Variants in SCAP observed in about 807,000 individuals in gnomAD.
SCAP encodes the protein sterol regulatory element-binding protein cleavage-activating protein.
In SCAP, 65 loss-of-function variants were observed where a neutral mutation model predicts 123.6. The observed-to-expected ratio is 0.53, with a 90% confidence interval of 0.43 to 0.65. The LOEUF (loss-of-function observed/expected upper bound fraction) is 0.65. Among genes scored for constraint, SCAP ranks in the 30% least tolerant of loss-of-function variants. The probability of loss-of-function intolerance (pLI) is 0.00; values close to 1 mark genes in which losing one functional copy is unlikely to be tolerated. For missense variants in SCAP, 1,398 were observed against 1,712.5 expected (o/e 0.82, Z 3.24); for synonymous variants, 740 against 726.3 (o/e 1.02, Z -0.30).
At chr3:47,444,543 T>C (rs1203206872) in intron 1 of SCAP, among the ~76,000 whole-genome samples, 2 of 151,352 alleles carry the variant, frequency 1.3e-5, no homozygotes, top group Non-Finnish European at 2.9e-5. Flanking sequence ...GGCACTCTCT[T>C]GGCTCACTGC....
In SCAP at chr3:47,416,788, G is replaced by A. The variant is rs566652349; in HGVS notation, c.3056+334C>T. On this transcript the variant is annotated intron_variant, in intron 18 of 22. Transcript: ENST00000265565. ...ACTACAGGCGCCCGCCACTACGCCCGGCTAATTTTTTGTATTTTTAGTAGA... is the reference window on the plus strand; with the variant it reads ...ACTACAGGCGCCCGCCACTACGCCCAGCTAATTTTTTGTATTTTTAGTAGA... Among the ~76,000 whole-genome samples the A allele has an allele frequency of 6.8e-4, 103 of 151,496 alleles. 1 individual carries two copies. Among genetic ancestry groups the A allele is most frequent in the African/African-American group, 2.0e-3 (83 of 41,138 alleles).
chr3:47,419,557 T>TG lies in SCAP; in HGVS notation c.1710dup (p.Ser571GlnfsTer13), dbSNP rs1229536681. On this transcript the variant is annotated frameshift_variant, in exon 13 of 23. Transcript: ENST00000265565. LOFTEE classifies it high-confidence loss of function. This position sits in a 1 kb window ranked among gnomAD's most constrained non-coding sequence, Gnocchi z 5.0. ...ATGGAGAAGGCAGGGTCCGGGTGGC[T>TG]GGGGGGCAGCATGCCACTAGGCACG... 1.9e-6 allele frequency: 3 copies of TG among 1,612,946 alleles called. No homozygotes were observed. Among genetic ancestry groups the TG allele is most frequent in the South Asian group, 1.1e-5 (1 of 91,038 alleles).
At chr3:47,451,831 C>G (rs1707240308) in intron 1 of SCAP, among the ~76,000 whole-genome samples, 1 of 123,452 alleles carries the variant, frequency 8.1e-6, no homozygotes, top group Non-Finnish European at 1.8e-5. Flanking sequence ...ATGCCTCCCC[C>G]TAGCTCTCAG....
chr3:47,448,275 C>T (rs560381751), intron 1 of SCAP, among the ~76,000 whole-genome samples: 8 of 152,096 alleles, frequency 5.3e-5, no homozygotes, highest in Non-Finnish European at 8.8e-5. Flanking sequence ...ATGTTCATTG[C>T]TAGTACATTG....
rs1230354835 is a variant in SCAP, at chr3:47,420,764, G to A, written c.1353C>T (p.Asp451=). 1.2e-6 allele frequency: 2 copies of A among 1,610,626 alleles called. No individual in the cohort carries two copies. Among genetic ancestry groups the A allele is most frequent in the African/African-American group, 1.3e-5 (1 of 74,966 alleles). Residue 451 remains aspartate, a synonymous_variant, in exon 12 of 23, where the codon GAC becomes GAT. Transcript: ENST00000265565. The surrounding 1 kb of genome is among the most constrained non-coding windows in gnomAD (Gnocchi z 5.0). ...CCTCAGGGGGCAGTCGCTTGTTCAG[G>A]TCTGCTAGCTGTTGGGGGCACAGTG... ...SIDIRRMELA[D]LNKRLPPEAC... is the part of the protein sequence containing the mutation.
At chr3:47,416,505 T>G (rs1419953086) in intron 18 of SCAP, among the ~76,000 whole-genome samples, 1 of 151,924 alleles carries the variant, frequency 6.6e-6, no homozygotes, top group African/African-American at 2.4e-5. Context: ...CTGGCTTCAT[T>G]GAGAAGGGCG....
chr3:47,458,524 C>T (rs1167598378), intron 1 of SCAP, among the ~76,000 whole-genome samples: 1 of 152,148 alleles, frequency 6.6e-6, no homozygotes, highest in African/African-American at 2.4e-5. Context: ...CCTAAAAACA[C>T]ACATATTCAA....
At chr3:47,472,581 A>G (rs181880107) in intron 1 of SCAP, among the ~76,000 whole-genome samples, 32 of 152,254 alleles carry the variant, frequency 2.1e-4, no homozygotes, top group Admixed American at 2.6e-4. Flanking sequence ...ACCCCACTGC[A>G]AAGCTTCCTT....
At chr3:47,440,146 T>G (rs1706739244) in intron 2 of SCAP, among the ~76,000 whole-genome samples, 1 of 152,198 alleles carries the variant, frequency 6.6e-6, no homozygotes. Context: ...AGCAGTCCTT[T>G]GGGTTTGGCT....
At chr3:47,445,416 T>C (rs1040231146) in intron 1 of SCAP, among the ~76,000 whole-genome samples, 2 of 151,918 alleles carry the variant, frequency 1.3e-5, no homozygotes, top group Non-Finnish European at 2.9e-5. Context: ...CCAGCTATTT[T>C]TTCGTATTTT....
At chr3:47,471,073 C>T (rs1312045945) in intron 1 of SCAP, among the ~76,000 whole-genome samples, 1 of 152,086 alleles carries the variant, frequency 6.6e-6, no homozygotes, top group Non-Finnish European at 1.5e-5. Context: ...GGGCTTATTG[C>T]TCTCTATTTG....
At chr3:47,416,481 G>A (rs1380579825) in intron 18 of SCAP, among the ~76,000 whole-genome samples, 1 of 152,212 alleles carries the variant, frequency 6.6e-6, no homozygotes, top group African/African-American at 2.4e-5. Flanking sequence ...ATATTGACAA[G>A]CTAATCAGAG....
At chr3:47,463,909 C>T (rs1278865080) in intron 1 of SCAP, among the ~76,000 whole-genome samples, 1 of 151,994 alleles carries the variant, frequency 6.6e-6, no homozygotes, top group Non-Finnish European at 1.5e-5. Context: ...ACAATCGTGG[C>T]TCACTGCGGT....
In SCAP at chr3:47,427,216, G is replaced by A. The variant is rs1158436030; in HGVS notation, c.678C>T (p.Tyr226=). 1 of 1,614,006 alleles carries A rather than the reference G, an allele frequency of 6.2e-7. No homozygotes were observed. Among genetic ancestry groups the A allele is most frequent in the South Asian group, 1.1e-5 (1 of 91,082 alleles). ...TGTAGGAGACCATCCTCTTCCTGGT[G>A]TAGAGGCTCACCCCGCTGTACTTCC... ...VPGKYSGVSL[Y]TRKRMVSYTI... is the part of the protein sequence containing the mutation. The change falls in exon 6 of 23, where the codon TAC becomes TAT. Residue 226 remains tyrosine (Y), a synonymous_variant. Transcript: ENST00000265565.
chr3:47,459,563 G>A (rs986278204), intron 1 of SCAP, among the ~76,000 whole-genome samples: 3 of 152,078 alleles, frequency 2.0e-5, no homozygotes, highest in Non-Finnish European at 4.4e-5. Context: ...GAGTAGGACC[G>A]TGATACCCAC....
chr3:47,419,936 T>C lies in SCAP; in HGVS notation c.1564-232A>G, dbSNP rs1705815244. Among the ~76,000 whole-genome samples, 1 of 152,208 alleles carries C rather than the reference T, an allele frequency of 6.6e-6. No individual in the cohort carries two copies. The highest frequency in any genetic ancestry group is 2.1e-4 in the South Asian group (1 of 4,828). ...TTCCACAGTTAGGGGCTGAGTTTCT[T>C]GGCCTGGAAATACACTGAAGCACCC... On this transcript the variant is annotated intron_variant, in intron 12 of 22. Transcript: ENST00000265565. The surrounding 1 kb of genome is among the most constrained non-coding windows in gnomAD (Gnocchi z 5.0).
intron 4 of SCAP, 147 bp from the exon 5 acceptor site, chr3:47,427,814 G>A: frequency 1.5e-6 from 1 of 681,778 alleles, no homozygotes; most frequent in Non-Finnish European, 2.4e-6. Flanking sequence ...GGGCAGCAGG[G>A]GGAAGTACTT....
At chr3:47,462,334 T>G (rs1450522375) in intron 1 of SCAP, among the ~76,000 whole-genome samples, 2 of 152,122 alleles carry the variant, frequency 1.3e-5, no homozygotes, top group Non-Finnish European at 2.9e-5. Flanking sequence ...TGACAGCCTC[T>G]GCCCCATCAG....
chr3:47,425,359 T>C lies in SCAP; in HGVS notation c.1037+126A>G, dbSNP rs1706078744. 5 of 1,029,822 alleles carry C rather than the reference T, an allele frequency of 4.9e-6. No individual in the cohort carries two copies. In the East Asian group the frequency reaches 1.3e-4, roughly 27 times the overall value. 63.8% of individuals were successfully genotyped at this position (1,029,822 alleles called of 1,614,324 possible). On this transcript the variant is annotated intron_variant, in intron 8 of 22. Coordinates refer to ENST00000265565, the MANE Select transcript of SCAP (RefSeq NM_012235.4). ...AGAGGAAGAAAATGTACCTCTTAAA[T>C]GTCAAAAACAACAATGTGAAGACGT... is the stretch of plus-strand genomic sequence containing the variant.
Sources: gnomAD v4.1 joint callset for allele counts (sites outside exome capture counted in the v4.1 genomes callset) on GRCh38, gnomAD v4.1.1 for gene constraint, Gnocchi (gnomAD v3.1) non-coding constraint, MANE v1.5 for transcripts, NCBI Gene and HGNC (gene_info 2026-07-23, HGNC 2026-07-21) for gene names.